The following HS6ST2 variants were observed in gnomAD, a reference collection of about 807,000 sequenced individuals.
The protein encoded by HS6ST2 is heparan sulfate 6-O-sulfotransferase 2, also known as heparan-sulfate 6-O-sulfotransferase 2.
HS6ST2 carries 17 observed loss-of-function variants against 33.0 expected under a neutral mutation model. The observed-to-expected ratio is 0.52, with a 90% CI of 0.35 to 0.77. HS6ST2 has a LOEUF of 0.77. HS6ST2 is among the 30% of genes least tolerant of loss of function. HS6ST2 has a pLI of 0.01. For synonymous variants in HS6ST2, 248 were observed against 237.1 expected, an observed-to-expected ratio of 1.05 and a Z score of -0.42; for missense variants, 519 against 551.7, an observed-to-expected ratio of 0.94 and a Z score of 0.59.
chrX:132,804,018 A>C (rs2065258289), intron 2 of HS6ST2, among the ~76,000 whole-genome samples: 1 of 111,979 alleles, frequency 8.9e-6, no homozygotes, highest in African/African-American at 3.2e-5. Flanking sequence ...ATAAAACTCC[A>C]GGCTGTTATT....
intron 2 of HS6ST2, among the ~76,000 whole-genome samples, chrX:132,754,955 T>G (rs1361675071): frequency 1.8e-5 from 2 of 111,370 alleles, no homozygotes; most frequent in Non-Finnish European, 3.8e-5. Flanking sequence ...CAAGCAATCC[T>G]CCTGCCTCAA....
chrX:132,661,996 A>G (rs1453242317), intron 4 of HS6ST2, among the ~76,000 whole-genome samples: 1 of 111,515 alleles, frequency 9.0e-6, no homozygotes, highest in African/African-American at 3.3e-5. Context: ...AGAAAGAAAA[A>G]AGAATGAAGT....
chrX:132,746,688 C>T (rs2064648005), intron 2 of HS6ST2, among the ~76,000 whole-genome samples: 1 of 111,768 alleles, frequency 8.9e-6, no homozygotes, highest in Admixed American at 9.5e-5. Flanking sequence ...CAGCCATGGC[C>T]TTTCAGTCTA....
At chrX:132,801,431 T>C (rs1450573218) in intron 2 of HS6ST2, among the ~76,000 whole-genome samples, 1 of 112,069 alleles carries the variant, frequency 8.9e-6, no homozygotes, top group Admixed American at 9.5e-5. Context: ...GCCTTGAAAA[T>C]TGAATATTGA....
At chrX:132,737,757 C>A (rs2064522863) in intron 2 of HS6ST2, among the ~76,000 whole-genome samples, 1 of 112,602 alleles carries the variant, frequency 8.9e-6, no homozygotes, top group Admixed American at 9.4e-5. Flanking sequence ...ACATACCCTG[C>A]CCCCACTAGG....
intron 2 of HS6ST2, among the ~76,000 whole-genome samples, chrX:132,861,754 G>A (rs749530292): frequency 4.5e-5 from 5 of 111,407 alleles, no homozygotes; most frequent in South Asian, 7.4e-4. Context: ...TAACTTTCCC[G>A]GGTATCTTAA....
intron 3 of HS6ST2, among the ~76,000 whole-genome samples, chrX:132,673,021 C>T (rs1263586242): frequency 1.8e-5 from 2 of 111,946 alleles, no homozygotes; most frequent in Non-Finnish European, 3.8e-5. Context: ...ATTAATTCAT[C>T]TCAGATCCCT....
At chrX:132,773,235 T>A (rs2064925339) in intron 2 of HS6ST2, among the ~76,000 whole-genome samples, 1 of 103,130 alleles carries the variant, frequency 9.7e-6, no homozygotes, top group Non-Finnish European at 1.9e-5. Context: ...ATTTATAATA[T>A]AATATATACA....
At chrX:132,718,425 G>T (rs1183694045) in intron 2 of HS6ST2, among the ~76,000 whole-genome samples, 2 of 111,901 alleles carry the variant, frequency 1.8e-5, no homozygotes, top group Admixed American at 9.5e-5. Context: ...AAGGCGCTGA[G>T]ATGGGAATAT....
intron 2 of HS6ST2, among the ~76,000 whole-genome samples, chrX:132,716,836 A>G (rs2064277964): frequency 8.9e-6 from 1 of 111,944 alleles, no homozygotes; most frequent in Non-Finnish European, 1.9e-5. Flanking sequence ...TGGGTCTGGA[A>G]GGTCCACAAA....
At chrX:132,660,543 CT>C (rs756252498) in intron 4 of HS6ST2, among the ~76,000 whole-genome samples, 1 of 111,311 alleles carries the variant, frequency 9.0e-6, no homozygotes, top group South Asian at 3.8e-4. Flanking sequence ...TTGTTTTTCA[CT>C]TTTTCTCCTC....
intron 2 of HS6ST2, among the ~76,000 whole-genome samples, chrX:132,853,964 C>A (rs1050009389): frequency 9.0e-6 from 1 of 110,614 alleles, no homozygotes; most frequent in Non-Finnish European, 1.9e-5. Flanking sequence ...GTGAAGGCTG[C>A]AGTGAGCCTT....
intron 2 of HS6ST2, among the ~76,000 whole-genome samples, chrX:132,789,838 T>C (rs2065102149): frequency 9.0e-6 from 1 of 111,317 alleles, no homozygotes; most frequent in Admixed American, 9.6e-5. Context: ...AGAACTAGAA[T>C]TAGAGGAGGA....
At chrX:132,869,381 A>G (rs1379290239) in intron 2 of HS6ST2, among the ~76,000 whole-genome samples, 5 of 112,029 alleles carry the variant, frequency 4.5e-5, no homozygotes, top group African/African-American at 1.6e-4. Flanking sequence ...ATTCCAATCA[A>G]TAGAAAAAGA....
At chrX:132,850,101 A>G (rs1242807125) in intron 2 of HS6ST2, among the ~76,000 whole-genome samples, 6 of 112,490 alleles carry the variant, frequency 5.3e-5, no homozygotes, top group African/African-American at 1.9e-4. Context: ...TAAAAAACCA[A>G]GAGACAGATT....
chrX:132,910,846 A>C (rs929773980), intron 2 of HS6ST2, among the ~76,000 whole-genome samples: 2 of 111,654 alleles, frequency 1.8e-5, no homozygotes, highest in African/African-American at 6.5e-5. Flanking sequence ...GCAGCATGAC[A>C]TATGTTAAAA....
chrX:132,697,816 C>T (rs1416040482), intron 3 of HS6ST2, among the ~76,000 whole-genome samples: 3 of 111,910 alleles, frequency 2.7e-5, no homozygotes, highest in African/African-American at 6.5e-5. Flanking sequence ...CTCTAATTCA[C>T]CTCTGTACTC....
chrX:132,890,018 T>C (rs962488888), intron 2 of HS6ST2, among the ~76,000 whole-genome samples: 3 of 111,609 alleles, frequency 2.7e-5, no homozygotes, highest in Middle Eastern at 4.2e-3. Flanking sequence ...TTAAGGTTCA[T>C]AGGCAACAGT....
At chrX:132,772,680 C>T (rs1309480968) in intron 2 of HS6ST2, among the ~76,000 whole-genome samples, 1 of 92,978 alleles carries the variant, frequency 1.1e-5, no homozygotes, top group Non-Finnish European at 2.1e-5. Context: ...ATATTGTATA[C>T]AATATAATTA....
Sources: gnomAD v4.1 joint callset for allele counts (sites outside exome capture counted in the v4.1 genomes callset) on GRCh38, gnomAD v4.1.1 for gene constraint, MANE v1.5 for transcripts, NCBI Gene and HGNC (gene_info 2026-07-23, HGNC 2026-07-21) for gene names.